Variants in DOCK3 observed in about 807,000 individuals in gnomAD.
DOCK3 encodes the protein dedicator of cytokinesis 3, also known as dedicator of cytokinesis protein 3.
A neutral mutation model predicts 265.6 loss-of-function variants in DOCK3; 60 were observed. That is an observed-to-expected ratio of 0.23 (90% CI 0.18 to 0.28). The LOEUF is 0.28. Among genes scored for constraint, DOCK3 ranks in the 10% least tolerant of loss-of-function variants. DOCK3 has a pLI of 1.00. For synonymous variants in DOCK3, 881 were observed against 938.0 expected (o/e 0.94, Z 1.11); for missense variants, 1,981 against 2,594.3 (o/e 0.76, Z 5.14).
chr3:51,341,308 C>T lies in DOCK3; in HGVS notation c.3838C>T (p.His1280Tyr). Residue 1280 changes from histidine to tyrosine, a missense_variant, in exon 38 of 53, where the codon CAC becomes TAC. This residue lies in a region of DOCK3 where 1,357 missense variants were observed against 1,866.8 expected (regional missense o/e 0.73). Transcript: ENST00000266037. Reference protein sequence around the residue: ...WEDRPLREFLHYPSQTEWQRK... With the variant: ...WEDRPLREFLYYPSQTEWQRK... ...GGACCGGCCACTACGGGAATTCCTC[C>T]ACTACCCATCGCAGACAGAGTGGCA... 1 of 1,613,132 alleles carries T rather than the reference C, an allele frequency of 6.2e-7. No homozygotes were observed. Among genetic ancestry groups the T allele is most frequent in the Non-Finnish European group, 8.5e-7 (1 of 1,179,470 alleles).
At chr3:50,919,140 C>T (rs962331162) in intron 4 of DOCK3, among the ~76,000 whole-genome samples, 2 of 152,148 alleles carry the variant, frequency 1.3e-5, no homozygotes, top group Admixed American at 6.5e-5. Context: ...GGTACCAGTA[C>T]CATGCTGTTT....
chr3:51,150,071 G>A (rs1461931801), intron 10 of DOCK3, among the ~76,000 whole-genome samples: 8 of 151,940 alleles, frequency 5.3e-5, no homozygotes, highest in Non-Finnish European at 1.2e-4. Flanking sequence ...GTCTTGGGAG[G>A]GTGTATGTGT....
At chr3:51,154,898 A>G (rs2085772461) in intron 10 of DOCK3, among the ~76,000 whole-genome samples, 1 of 152,234 alleles carries the variant, frequency 6.6e-6, no homozygotes, top group African/African-American at 2.4e-5. Context: ...TTCTGCCACA[A>G]TGGGAAGGCA....
At chr3:50,903,816 C>T (rs1020475398) in intron 4 of DOCK3, among the ~76,000 whole-genome samples, 4 of 151,712 alleles carry the variant, frequency 2.6e-5, no homozygotes, top group Non-Finnish European at 5.9e-5. Context: ...GCACCACGTG[C>T]AGGTTTGATA....
intron 23 of DOCK3, among the ~76,000 whole-genome samples, chr3:51,268,281 T>C (rs1264911179): frequency 6.6e-6 from 1 of 152,160 alleles, no homozygotes; most frequent in Admixed American, 6.6e-5. Flanking sequence ...TGAGCTGTGA[T>C]TGCACCACTG....
intron 31 of DOCK3, among the ~76,000 whole-genome samples, chr3:51,313,401 A>T (rs1233836723): frequency 6.6e-6 from 1 of 152,254 alleles, no homozygotes; most frequent in East Asian, 1.9e-4. Context: ...ACATATAAGA[A>T]GAGAACTGCA....
In DOCK3 at chr3:51,381,437, G is replaced by T; in HGVS notation, c.5971G>T (p.Val1991Leu). 1 of 1,609,404 alleles carries T rather than the reference G, an allele frequency of 6.2e-7. No homozygotes were observed. The highest frequency in any genetic ancestry group is 8.5e-7 in the Non-Finnish European group (1 of 1,178,406). ...RLPALEHDEG[V>L]LLREETERPR... ...GCCGGCCCTGGAGCACGATGAGGGG[G>T]TGCTGCTGCGTGAAGAGACTGAGAG... Residue 1991 changes from valine (V) to leucine (L), a missense_variant, in exon 53 of 53, where the codon GTG becomes TTG. By Grantham distance (32) the Val-to-Leu change is conservative. This residue lies in a region of DOCK3 where 149 missense variants were observed against 144.7 expected (regional missense o/e 1.03). Coordinates refer to ENST00000266037, the MANE Select transcript of DOCK3 (RefSeq NM_004947.5). This position sits in a 1 kb window ranked among gnomAD's most constrained non-coding sequence, Gnocchi z 5.6.
At chr3:50,715,077 G>A (rs1322555824) in intron 1 of DOCK3, among the ~76,000 whole-genome samples, 2 of 152,262 alleles carry the variant, frequency 1.3e-5, no homozygotes, top group South Asian at 2.1e-4. Flanking sequence ...TGAAAGGACA[G>A]CATCTGGGTC....
chr3:51,274,775 T>A (rs2080720102), intron 24 of DOCK3, among the ~76,000 whole-genome samples: 1 of 152,124 alleles, frequency 6.6e-6, no homozygotes. Context: ...AATGAGACCC[T>A]GTTTCCAAAA....
chr3:51,258,565 G>A (rs2079673935), intron 22 of DOCK3, among the ~76,000 whole-genome samples: 1 of 152,116 alleles, frequency 6.6e-6, no homozygotes, highest in Non-Finnish European at 1.5e-5. Flanking sequence ...GTGCGGTGGC[G>A]TGATCTCGGC....
At chr3:51,348,725 G>A (rs1286501373) in intron 38 of DOCK3, 127 bp from the exon 39 acceptor site, 8 of 927,760 alleles carry the variant, frequency 8.6e-6, no homozygotes, top group Non-Finnish European at 1.2e-5. Flanking sequence ...TGAGGTATAT[G>A]TTCTTTGTGA....
chr3:50,711,154 T>C (rs2036738568), intron 1 of DOCK3, among the ~76,000 whole-genome samples: 2 of 152,296 alleles, frequency 1.3e-5, no homozygotes, highest in Admixed American at 1.3e-4. Flanking sequence ...TTGTGATTAC[T>C]ATGGTTTTTG....
chr3:51,375,240 G>C (rs1469823219), intron 50 of DOCK3, among the ~76,000 whole-genome samples: 2 of 152,328 alleles, frequency 1.3e-5, no homozygotes, highest in African/African-American at 4.8e-5. Flanking sequence ...CCCTGTGCCT[G>C]ATTGGCTCTG....
In DOCK3 at chr3:51,362,586, G is replaced by C; in HGVS notation, c.5205G>C (p.Ser1735=). 1 of 1,613,892 alleles carries C rather than the reference G, an allele frequency of 6.2e-7. No individual in the cohort carries two copies. The highest frequency in any genetic ancestry group is 1.3e-5 in the African/African-American group (1 of 75,002). The change falls in exon 49 of 53, where the codon TCG becomes TCC. Residue 1735 remains serine, a synonymous_variant. Coordinates refer to ENST00000266037, the MANE Select transcript of DOCK3 (RefSeq NM_004947.5). ...GSVTNVSVLS[S]SQASPSSSSL... Reference sequence around the variant, plus strand: ...TCACCAACGTCTCTGTTCTGTCCTCGTCCCAGGCAAGCCCTTCTTCCTCCA... The same window carrying C: ...TCACCAACGTCTCTGTTCTGTCCTCCTCCCAGGCAAGCCCTTCTTCCTCCA...
At chr3:50,905,284 T>A (rs2049423642) in intron 4 of DOCK3, among the ~76,000 whole-genome samples, 1 of 152,110 alleles carries the variant, frequency 6.6e-6, no homozygotes. Flanking sequence ...AGTAGTTTTT[T>A]CCAATTCTGT....
intron 3 of DOCK3, 78 bp from the exon 4 acceptor site, chr3:50,889,948 C>A: frequency 8.6e-7 from 1 of 1,161,992 alleles, no homozygotes; most frequent in Non-Finnish European, 1.1e-6. Context: ...GTGCTGAAAT[C>A]TGATTGCTAT....
At chr3:50,896,438 C>T (rs2048895904) in intron 4 of DOCK3, among the ~76,000 whole-genome samples, 1 of 151,958 alleles carries the variant, frequency 6.6e-6, no homozygotes. Context: ...CTGTAGGTTG[C>T]CTGTTCACTC....
intron 9 of DOCK3, among the ~76,000 whole-genome samples, chr3:51,116,621 G>A (rs745708759): frequency 6.6e-6 from 1 of 151,910 alleles, no homozygotes; most frequent in Non-Finnish European, 1.5e-5. Context: ...ATTTGTTTGT[G>A]TCCTCTCTTA....
At chr3:51,356,352 C>T in intron 42 of DOCK3, 55 bp from the exon 43 acceptor site, 2 of 1,611,880 alleles carry the variant, frequency 1.2e-6, no homozygotes, top group Middle Eastern at 1.7e-4. Flanking sequence ...CTCAGGTAGG[C>T]AGGGTGTGGC....
Sources: allele counts gnomAD v4.1 joint callset (sites outside exome capture counted in the v4.1 genomes callset), GRCh38; gene constraint gnomAD v4.1.1; regional missense constraint gnomAD v4.1.1; non-coding constraint Gnocchi (gnomAD v3.1); transcripts MANE v1.5; gene names NCBI Gene and HGNC (gene_info 2026-07-23, HGNC 2026-07-21).